The following ZCCHC14 variants were observed in gnomAD, a reference collection of about 807,000 sequenced individuals.
ZCCHC14 encodes zinc finger CCHC-type containing 14.
A neutral mutation model predicts 85.0 loss-of-function variants in ZCCHC14; 16 were observed. The observed-to-expected ratio is 0.19, with a 90% confidence interval of 0.13 to 0.29. ZCCHC14 has a LOEUF of 0.29. ZCCHC14 is among the 10% of genes least tolerant of loss of function. The pLI, the probability that ZCCHC14 is intolerant of heterozygous loss-of-function variation, is 1.00. For missense variants in ZCCHC14, 1,303 were observed against 1,443.5 expected (o/e 0.90, Z 1.58); for synonymous variants, 775 against 630.7 (o/e 1.23, Z -3.43).
intron 2 of ZCCHC14, among the ~76,000 whole-genome samples, chr16:87,441,926 G>C (rs1453243210): frequency 6.6e-6 from 1 of 152,206 alleles, no homozygotes; most frequent in South Asian, 2.1e-4. Context: ...TGCGATTCCA[G>C]GTGGGGTGAC....
chr16:87,467,443 C>G, intron 1 of ZCCHC14: 1 of 1,604,918 alleles, frequency 6.2e-7, no homozygotes. Context: ...AATAAAATGT[C>G]TGCCATTTCT....
At chr16:87,432,918 G>T (rs1475198093) in intron 3 of ZCCHC14, among the ~76,000 whole-genome samples, 1 of 151,108 alleles carries the variant, frequency 6.6e-6, no homozygotes, top group African/African-American at 2.4e-5. Context: ...CCCTGCCCGA[G>T]CCCCCACCCT....
At chr16:87,485,652 G>A (rs1912483729) in intron 1 of ZCCHC14, among the ~76,000 whole-genome samples, 1 of 151,706 alleles carries the variant, frequency 6.6e-6, no homozygotes, top group African/African-American at 2.4e-5. Context: ...AAGGTGGGGG[G>A]CGGGGGAGAA....
chr16:87,438,844 G>C (rs1359027609), intron 2 of ZCCHC14, among the ~76,000 whole-genome samples: 1 of 152,164 alleles, frequency 6.6e-6, no homozygotes, highest in African/African-American at 2.4e-5. Flanking sequence ...CTACAGTGGA[G>C]TCCCTGAAAT....
At chr16:87,475,781 A>C (rs1911979447) in intron 1 of ZCCHC14, among the ~76,000 whole-genome samples, 1 of 152,178 alleles carries the variant, frequency 6.6e-6, no homozygotes, top group Admixed American at 6.6e-5. Context: ...ACAGTTTAAC[A>C]TACCTAGAGC....
intron 10 of ZCCHC14, 33 bp from the exon 11 acceptor site, chr16:87,413,228 C>G: frequency 6.7e-7 from 1 of 1,492,298 alleles, no homozygotes; most frequent in Non-Finnish European, 8.9e-7. Flanking sequence ...CAGCCATCAA[C>G]TAGCGCCCCT....
At chr16:87,435,913 C>A (rs1168389963) in intron 2 of ZCCHC14, among the ~76,000 whole-genome samples, 1 of 152,264 alleles carries the variant, frequency 6.6e-6, no homozygotes, top group East Asian at 1.9e-4. Context: ...CTGACTTCCT[C>A]AGTCAGACTG....
At chr16:87,442,311 G>C (rs191982428) in intron 2 of ZCCHC14, among the ~76,000 whole-genome samples, 5 of 152,332 alleles carry the variant, frequency 3.3e-5, no homozygotes, top group East Asian at 1.9e-4. Context: ...CTTGCTGTCA[G>C]AACCCAACCA....
At chr16:87,433,292 C>T in intron 2 of ZCCHC14, 91 bp from the exon 3 acceptor site, 1 of 1,282,732 alleles carries the variant, frequency 7.8e-7, no homozygotes, top group Non-Finnish European at 1.1e-6. Flanking sequence ...GTTTTCAAAA[C>T]CAGGTTCTCA....
intron 2 of ZCCHC14, among the ~76,000 whole-genome samples, chr16:87,457,494 G>A (rs968091953): frequency 6.6e-6 from 1 of 152,154 alleles, no homozygotes; most frequent in African/African-American, 2.4e-5. Context: ...CCCTCAAAGG[G>A]CTGTTATGAA....
At position 87,491,798 on chromosome 16, in the gene ZCCHC14, G is replaced by A; in HGVS notation, c.441C>T (p.Phe147=). The A allele has an allele frequency of 6.3e-7, 1 of 1,588,556 alleles. No homozygotes were observed. The highest frequency in any genetic ancestry group is 2.4e-5 in the East Asian group (1 of 42,142). Residue 147 remains phenylalanine (F), a synonymous_variant, in exon 1 of 13, where the codon TTC becomes TTT. Transcript: ENST00000671377. This position sits in a 1 kb window ranked among gnomAD's most constrained non-coding sequence, Gnocchi z 5.9. The part of the protein sequence containing the change: ...TMASNHPAFS[F]HQKQVLRQEL... ...CCTGGCGCAGCACCTGCTTCTGGTGGAAGCTGAAGGCCGGGTGGTTGGAGG... is the reference window on the plus strand; with the variant it reads ...CCTGGCGCAGCACCTGCTTCTGGTGAAAGCTGAAGGCCGGGTGGTTGGAGG...
intron 1 of ZCCHC14, among the ~76,000 whole-genome samples, chr16:87,465,871 AC>A (rs1017840667): frequency 9.9e-5 from 15 of 152,012 alleles, no homozygotes; most frequent in African/African-American, 3.1e-4. Context: ...TCACCATGTT[AC>A]CCAGGCTGAT....
At chr16:87,410,401 G>C in intron 12 of ZCCHC14, 66 bp from the exon 13 acceptor site, 1 of 684,298 alleles carries the variant, frequency 1.5e-6, no homozygotes, top group Non-Finnish European at 2.7e-6. Context: ...CCACCAATCT[G>C]TCCAGTCATG....
chr16:87,416,274 T>C (rs1309073467), intron 8 of ZCCHC14, among the ~76,000 whole-genome samples: 1 of 152,060 alleles, frequency 6.6e-6, no homozygotes, highest in Non-Finnish European at 1.5e-5. Context: ...GAAAAGCAGA[T>C]GCCATCCACG....
chr16:87,465,103 C>G (rs762452658), intron 1 of ZCCHC14, among the ~76,000 whole-genome samples: 13 of 152,262 alleles, frequency 8.5e-5, no homozygotes, highest in South Asian at 2.1e-4. Context: ...GCAGTCACAT[C>G]TGCCTGGGGC....
chr16:87,445,190 C>G (rs965095316), intron 2 of ZCCHC14, among the ~76,000 whole-genome samples: 2 of 151,968 alleles, frequency 1.3e-5, no homozygotes, highest in African/African-American at 4.8e-5. Flanking sequence ...CCTCAGCCTC[C>G]GAAGCAGCTG....
chr16:87,488,216 C>A (rs1912601341), intron 1 of ZCCHC14, among the ~76,000 whole-genome samples: 1 of 152,124 alleles, frequency 6.6e-6, no homozygotes, highest in Non-Finnish European at 1.5e-5. Flanking sequence ...AAAGAAAAAG[C>A]CGCAAAGGAT....
At chr16:87,489,448 C>A (rs1912653074) in intron 1 of ZCCHC14, among the ~76,000 whole-genome samples, 3 of 152,308 alleles carry the variant, frequency 2.0e-5, no homozygotes, top group South Asian at 4.1e-4. Context: ...TTTAAGTTAG[C>A]AAACCTCTAT....
rs1908442372 is a variant in ZCCHC14 at position 87,411,638 on chromosome 16, A to C, written c.3083T>G (p.Leu1028Arg). ...GTAGVYQTQG[L>R]VGSSNGSSHK... ...ACTGGAACCATTGCTACTGCCCACC[A>C]GTCCTTGGGTCTGGTACACCCCTGC... Residue 1028 changes from leucine to arginine, a missense_variant, in exon 12 of 13, where the codon CTG becomes CGG. This residue lies in a region of ZCCHC14 where 797 missense variants were observed against 730.8 expected (regional missense o/e 1.09). Coordinates refer to ENST00000671377, the MANE Select transcript of ZCCHC14 (RefSeq NM_015144.3). 2 of 1,613,944 alleles carry C rather than the reference A, an allele frequency of 1.2e-6. No homozygotes were observed. The highest frequency in any genetic ancestry group is 1.7e-6 in the Non-Finnish European group (2 of 1,179,982).
Sources: allele counts gnomAD v4.1 joint callset (sites outside exome capture counted in the v4.1 genomes callset), GRCh38; gene constraint gnomAD v4.1.1; regional missense constraint gnomAD v4.1.1; non-coding constraint Gnocchi (gnomAD v3.1); transcripts MANE v1.5; gene names NCBI Gene and HGNC (gene_info 2026-07-23, HGNC 2026-07-21).